Variants in STXBP5L observed in about 807,000 individuals in gnomAD.
The protein encoded by STXBP5L is syntaxin binding protein 5L.
A neutral mutation model predicts 144.5 loss-of-function variants in STXBP5L; 65 were observed. The ratio of observed to expected loss-of-function variants is 0.45; its 90% confidence interval spans 0.37 to 0.55. STXBP5L has a LOEUF of 0.55. Among genes scored for constraint, STXBP5L ranks in the 20% least tolerant of loss-of-function variants. STXBP5L has a pLI of 0.00. For synonymous variants in STXBP5L, 505 were observed against 469.6 expected (o/e 1.08, Z -0.97); for missense variants, 1,298 against 1,405.5 (o/e 0.92, Z 1.22).
At chr3:121,223,275 A>G in intron 11 of STXBP5L, 118 bp downstream of exon 11, 1 of 1,039,622 alleles carries the variant, frequency 9.6e-7, no homozygotes, top group Non-Finnish European at 1.3e-6. Context: ...TGTGAGCTAC[A>G]AGTGCTGGAA....
chr3:121,025,372 G>T (rs1945854196), intron 3 of STXBP5L, among the ~76,000 whole-genome samples: 1 of 151,938 alleles, frequency 6.6e-6, no homozygotes, highest in Admixed American at 6.6e-5. Flanking sequence ...ACCCTATATG[G>T]TTTGCTCTTT....
intron 2 of STXBP5L, among the ~76,000 whole-genome samples, chr3:120,919,852 T>C (rs1709276304): frequency 6.6e-6 from 1 of 151,914 alleles, no homozygotes; most frequent in Non-Finnish European, 1.5e-5. Context: ...TTAATTCATG[T>C]TTTATAACTT....
Position 121,054,302 on chromosome 3 carries a change from T to G in STXBP5L, c.470+8767T>G, listed in dbSNP as rs962626601. The stretch of plus-strand genomic sequence containing the variant: ...AAGACACATGTGCACGAATGTTTAT[T>G]GTGGCACTATTCACAATAGCAAAGA... On this transcript the variant is annotated intron_variant, in intron 5 of 26. Transcript: ENST00000471454. Among the ~76,000 whole-genome samples, 14 of 152,270 alleles carry G rather than the reference T, an allele frequency of 9.2e-5. No homozygotes were observed. The South Asian group carries it at 1.0e-3, about 11-fold the overall frequency.
intron 5 of STXBP5L, among the ~76,000 whole-genome samples, 179 bp downstream of exon 5, chr3:121,045,714 C>T (rs1379779408): frequency 6.6e-6 from 1 of 152,088 alleles, no homozygotes; most frequent in Non-Finnish European, 1.5e-5. Flanking sequence ...GATATAGATC[C>T]AGTCACCTAC....
intron 5 of STXBP5L, among the ~76,000 whole-genome samples, chr3:121,091,578 T>A (rs1387467286): frequency 6.6e-6 from 1 of 152,232 alleles, no homozygotes; most frequent in East Asian, 1.9e-4. Flanking sequence ...AAATGTCTTC[T>A]TTTGAGAAGT....
In STXBP5L at chr3:121,040,066, CTCTG is replaced by C. The variant is rs373389315; in HGVS notation, c.288-1630_288-1627del. Among the ~76,000 whole-genome samples the C allele has an allele frequency of 5.8e-4, 88 of 152,040 alleles. 2 individuals are homozygous for C. The East Asian group carries it at 0.011, about 20-fold the overall frequency. On this transcript the variant is annotated intron_variant, in intron 3 of 26. Coordinates refer to ENST00000471454, the MANE Select transcript of STXBP5L (RefSeq NM_001308330.2). ...TGTAGTATAATAAATGTTTTACTAT[CTCTG>C]TCTATTATTTCTATCCTGTTTTATT... is the stretch of plus-strand genomic sequence containing the variant.
At chr3:120,924,216 C>T (rs1709494975) in intron 2 of STXBP5L, among the ~76,000 whole-genome samples, 1 of 152,132 alleles carries the variant, frequency 6.6e-6, no homozygotes, top group African/African-American at 2.4e-5. Flanking sequence ...TGCATTGTTT[C>T]ACAGTACAAT....
intron 9 of STXBP5L, among the ~76,000 whole-genome samples, chr3:121,184,874 A>G (rs2108124558): frequency 6.6e-6 from 1 of 152,346 alleles, no homozygotes; most frequent in East Asian, 1.9e-4. Context: ...CTCTCAGCAG[A>G]AACCCTACAA....
At chr3:121,192,847 T>G (rs2047753789) in intron 9 of STXBP5L, among the ~76,000 whole-genome samples, 1 of 152,156 alleles carries the variant, frequency 6.6e-6, no homozygotes, top group Non-Finnish European at 1.5e-5. Context: ...ACTTAAATGT[T>G]AAACCTAAAA....
At chr3:121,220,104 C>T (rs1208554849) in intron 10 of STXBP5L, among the ~76,000 whole-genome samples, 1 of 152,098 alleles carries the variant, frequency 6.6e-6, no homozygotes, top group Non-Finnish European at 1.5e-5. Context: ...CCACAACTCT[C>T]ACTTTCTGTC....
chr3:120,995,314 A>AT (rs958158668), intron 3 of STXBP5L, among the ~76,000 whole-genome samples: 5 of 151,808 alleles, frequency 3.3e-5, no homozygotes, highest in African/African-American at 1.2e-4. Flanking sequence ...TGCCTGGCTA[A>AT]TTTTTTTATT....
intron 20 of STXBP5L, among the ~76,000 whole-genome samples, chr3:121,346,352 T>C (rs1041366723): frequency 1.3e-5 from 2 of 152,144 alleles, no homozygotes; most frequent in African/African-American, 4.8e-5. Context: ...ACTCTATCAC[T>C]GATGGGCATT....
intron 20 of STXBP5L, among the ~76,000 whole-genome samples, chr3:121,361,583 G>A (rs533765832): frequency 6.6e-6 from 1 of 151,612 alleles, no homozygotes; most frequent in Non-Finnish European, 1.5e-5. Context: ...ACACTCTTAT[G>A]CATTCTTCAG....
intron 7 of STXBP5L, among the ~76,000 whole-genome samples, chr3:121,124,119 C>G (rs1030032471): frequency 9.2e-5 from 14 of 151,850 alleles, no homozygotes; most frequent in Non-Finnish European, 2.1e-4. Flanking sequence ...TTATACACCT[C>G]ACTCATATAT....
At chr3:121,088,451 G>A (rs2042606379) in intron 5 of STXBP5L, among the ~76,000 whole-genome samples, 2 of 103,638 alleles carry the variant, frequency 1.9e-5, no homozygotes, top group Non-Finnish European at 3.9e-5. Context: ...AACAGGTGCT[G>A]GAGAGGATGT....
chr3:121,382,663 G>A (rs879521397), intron 22 of STXBP5L, among the ~76,000 whole-genome samples: 1 of 152,032 alleles, frequency 6.6e-6, no homozygotes, highest in Non-Finnish European at 1.5e-5. Flanking sequence ...CAAGTTTAAA[G>A]CTGTAAGTGA....
intron 2 of STXBP5L, among the ~76,000 whole-genome samples, chr3:120,930,870 T>C (rs1189688813): frequency 6.6e-6 from 1 of 152,162 alleles, no homozygotes; most frequent in South Asian, 2.1e-4. Context: ...TACTCCTTTG[T>C]CATATATTAA....
chr3:121,375,034 GA>G (rs1389942318), intron 20 of STXBP5L, among the ~76,000 whole-genome samples: 3 of 103,896 alleles, frequency 2.9e-5, no homozygotes, highest in African/African-American at 7.3e-5. Context: ...GGGAGGGTGG[GA>G]GGGGGAGTGA....
chr3:121,026,818 C>T (rs927028201), intron 3 of STXBP5L, among the ~76,000 whole-genome samples: 2 of 151,766 alleles, frequency 1.3e-5, no homozygotes, highest in African/African-American at 4.8e-5. Flanking sequence ...TCACGTTGTG[C>T]ACATGTACCC....
Sources: allele counts gnomAD v4.1 joint callset (sites outside exome capture counted in the v4.1 genomes callset), GRCh38; gene constraint gnomAD v4.1.1; transcripts MANE v1.5; gene names NCBI Gene and HGNC (gene_info 2026-07-23, HGNC 2026-07-21).